SMARCAD1: variants seen among roughly 807,000 people sequenced by gnomAD.
SMARCAD1 encodes the protein SWI/SNF-related matrix-associated actin-dependent regulator of chromatin subfamily A containing DEAD/H box 1.
SMARCAD1 carries 25 observed loss-of-function variants against 127.1 expected under a neutral mutation model. The ratio of observed to expected loss-of-function variants is 0.20; its 90% confidence interval spans 0.14 to 0.27. The LOEUF is 0.27. Among genes scored for constraint, SMARCAD1 ranks in the 10% least tolerant of loss-of-function variants. The pLI is 1.00. For missense variants in SMARCAD1, 807 were observed against 1,206.0 expected (o/e 0.67, Z 4.90); for synonymous variants, 400 against 396.9 (o/e 1.01, Z -0.09).
chr4:94,274,169 G>A (rs1268324143), intron 12 of SMARCAD1, among the ~76,000 whole-genome samples: 8 of 152,008 alleles, frequency 5.3e-5, no homozygotes, highest in Admixed American at 5.2e-4. Context: ...TTAAATTGGA[G>A]GTTAATAATC....
At chr4:94,234,397 A>G (rs1315144164) in intron 4 of SMARCAD1, among the ~76,000 whole-genome samples, 1 of 152,200 alleles carries the variant, frequency 6.6e-6, no homozygotes, top group Non-Finnish European at 1.5e-5. Flanking sequence ...TCTAAAATGC[A>G]TAACCTCCCC....
At chr4:94,268,157 A>T (rs1055955993) in intron 10 of SMARCAD1, among the ~76,000 whole-genome samples, 1 of 152,190 alleles carries the variant, frequency 6.6e-6, no homozygotes, top group African/African-American at 2.4e-5. Context: ...AAATATTTCA[A>T]TGTAATAAAA....
chr4:94,273,550 C>T (rs1579311413), intron 11 of SMARCAD1, 67 bp from the exon 12 acceptor site: 1 of 1,174,436 alleles, frequency 8.5e-7, no homozygotes, highest in Non-Finnish European at 1.2e-6. Context: ...GCTTTTTCTT[C>T]TGTATTTTTA....
chr4:94,259,777 A>G (rs1269991861), intron 9 of SMARCAD1, among the ~76,000 whole-genome samples: 1 of 152,184 alleles, frequency 6.6e-6, no homozygotes, highest in Non-Finnish European at 1.5e-5. Flanking sequence ...TTTGAAGCAC[A>G]TCTCAGACAT....
At chr4:94,284,479 A>T (rs777678120) in intron 22 of SMARCAD1, among the ~76,000 whole-genome samples, 2 of 151,594 alleles carry the variant, frequency 1.3e-5, no homozygotes, top group African/African-American at 2.4e-5. Flanking sequence ...GCTCACTTCA[A>T]TCTCCACCTC....
At chr4:94,250,257 A>G (rs28627334) in intron 7 of SMARCAD1, among the ~76,000 whole-genome samples, 4,316 of 152,062 alleles carry the variant, frequency 0.028, 186 homozygotes, top group African/African-American at 0.098. Context: ...TCCCATGATC[A>G]TATATAGAAG....
chr4:94,252,886 G>A lies in SMARCAD1; in HGVS notation c.1160G>A (p.Gly387Asp). The A allele has an allele frequency of 6.2e-7, 1 of 1,614,094 alleles. No individual in the cohort carries two copies. The highest frequency in any genetic ancestry group is 8.5e-7 in the Non-Finnish European group (1 of 1,180,012). Residue 387 changes from glycine (G) to aspartate (D), a missense_variant, in exon 9 of 24, where the codon GGT becomes GAT. By Grantham distance (94) the Gly-to-Asp change is moderately conservative. Coordinates refer to ENST00000354268, the MANE Select transcript of SMARCAD1 (RefSeq NM_020159.5). ...GAAGTGATGGAGGATGGCTATAAAG[G>A]TAAAATTCTTCACTTCCTTCAAGAT... The part of the protein sequence containing the change: ...GEEVMEDGYK[G>D]KILHFLQDAS...
At chr4:94,286,780 C>G (rs955785144) in intron 23 of SMARCAD1, among the ~76,000 whole-genome samples, 1 of 152,184 alleles carries the variant, frequency 6.6e-6, no homozygotes, top group Non-Finnish European at 1.5e-5. Flanking sequence ...GTTATGTTCA[C>G]CTACATTGTC....
At position 94,253,396 on chromosome 4, in the gene SMARCAD1, A is replaced by G. The variant is rs933628352; in HGVS notation, c.1281+389A>G. 10 of 1,262,602 alleles carry G rather than the reference A, an allele frequency of 7.9e-6. No homozygotes were observed. The Admixed American group carries it at 2.4e-4, about 30-fold the overall frequency. 78.2% of individuals were successfully genotyped at this position (1,262,602 alleles called of 1,614,324 possible). A position where few individuals can be genotyped will look rare whatever the true frequency, so the allele number is the denominator to read the frequency against. ...AAAGCAAGAATGTGGCAGAAATTTT[A>G]CTACAACTACTTGAAGAGCAATAGC... On this transcript the variant is annotated intron_variant, in intron 9 of 23. Coordinates refer to ENST00000354268, the MANE Select transcript of SMARCAD1 (RefSeq NM_020159.5).
intron 9 of SMARCAD1, among the ~76,000 whole-genome samples, chr4:94,261,674 G>A (rs1341409392): frequency 1.3e-5 from 2 of 152,104 alleles, no homozygotes; most frequent in Admixed American, 6.5e-5. Context: ...ATGCAGTGGC[G>A]TCTTGGCTCA....
intron 11 of SMARCAD1, among the ~76,000 whole-genome samples, chr4:94,273,134 T>G (rs74970312): frequency 3.2e-4 from 48 of 152,338 alleles, no homozygotes; most frequent in Non-Finnish European, 6.6e-4. Flanking sequence ...TGTTTGGCTA[T>G]TAAGATAAAA....
At chr4:94,236,311 G>A (rs900064135) in intron 4 of SMARCAD1, among the ~76,000 whole-genome samples, 1 of 152,090 alleles carries the variant, frequency 6.6e-6, no homozygotes, top group African/African-American at 2.4e-5. Flanking sequence ...GGGGATTTTA[G>A]TTTCTTCTGA....
intron 22 of SMARCAD1, among the ~76,000 whole-genome samples, chr4:94,284,326 C>CAA (rs1161926658): frequency 0.033 from 853 of 25,814 alleles, 133 homozygotes; most frequent in African/African-American, 0.073. Context: ...GACTCCGTCT[C>CAA]AAAAAAAAAA....
chr4:94,242,005 T>C (rs1240296964), intron 6 of SMARCAD1, among the ~76,000 whole-genome samples: 3 of 152,100 alleles, frequency 2.0e-5, no homozygotes. Flanking sequence ...GTTATCCTTC[T>C]ATTCTATTCT....
chr4:94,210,237 C>A (rs1741981104), intron 2 of SMARCAD1, among the ~76,000 whole-genome samples: 1 of 152,232 alleles, frequency 6.6e-6, no homozygotes, highest in East Asian at 1.9e-4. Flanking sequence ...CATGATCAGC[C>A]TTGATGGCTT....
intron 9 of SMARCAD1, among the ~76,000 whole-genome samples, chr4:94,257,797 T>G (rs772945359): frequency 5.3e-5 from 8 of 152,168 alleles, no homozygotes; most frequent in African/African-American, 1.9e-4. Flanking sequence ...CTTTATGTAA[T>G]ATAGTTATAA....
At chr4:94,275,146 T>C (rs936861531) in intron 14 of SMARCAD1, among the ~76,000 whole-genome samples, 181 bp downstream of exon 14, 5 of 152,086 alleles carry the variant, frequency 3.3e-5, no homozygotes, top group African/African-American at 1.2e-4. Context: ...ATATAGGAGG[T>C]TTTTGTTAGT....
At chr4:94,264,445 C>A in intron 9 of SMARCAD1, 1 of 305,944 alleles carries the variant, frequency 3.3e-6, no homozygotes, top group Non-Finnish European at 6.0e-6. Context: ...GTCAAAGTAA[C>A]AAGTTTGGGA....
rs775089638 is a variant in SMARCAD1, at chr4:94,253,341, C to G, written c.1281+334C>G. ...GGAAGGAGTTGTTTGCTAGCCTGTT[C>G]TGATCTGTTACTGCTGAGACACCAT... On this transcript the variant is annotated intron_variant, in intron 9 of 23. Transcript: ENST00000354268. The G allele has an allele frequency of 1.4e-5, 19 of 1,322,894 alleles. 1 individual carries two copies. In the South Asian group the frequency reaches 2.1e-4, roughly 15 times the overall value. The allele number at this position is 1,322,894 out of a possible 1,614,324, so 81.9% of individuals were successfully genotyped here.
Sources: allele counts gnomAD v4.1 joint callset (sites outside exome capture counted in the v4.1 genomes callset), GRCh38; gene constraint gnomAD v4.1.1; transcripts MANE v1.5; gene names NCBI Gene and HGNC (gene_info 2026-07-23, HGNC 2026-07-21).